Variants in CBFA2T3 observed in about 807,000 individuals in gnomAD.
The protein encoded by CBFA2T3 is transcriptional corepressor CBFA2T3.
A neutral mutation model predicts 58.6 loss-of-function variants in CBFA2T3; 31 were observed. That is an observed-to-expected ratio of 0.53 (90% CI 0.40 to 0.71). The LOEUF is 0.71. CBFA2T3 is among the 30% of genes least tolerant of loss of function. The pLI, the probability that CBFA2T3 is intolerant of heterozygous loss-of-function variation, is 0.00. For synonymous variants in CBFA2T3, 531 were observed against 421.9 expected, an observed-to-expected ratio of 1.26 and a Z score of -3.17; for missense variants, 1,076 against 963.1, an observed-to-expected ratio of 1.12 and a Z score of -1.55.
chr16:88,964,769 A>G (rs138066107), intron 1 of CBFA2T3, among the ~76,000 whole-genome samples: 52 of 151,624 alleles, frequency 3.4e-4, no homozygotes, highest in African/African-American at 1.2e-3. Flanking sequence ...CCACTCATCC[A>G]TCCATCCACC....
At chr16:88,884,687 G>A (rs1969285749) in intron 7 of CBFA2T3, 1 of 218,670 alleles carries the variant, frequency 4.6e-6, no homozygotes, top group Non-Finnish European at 9.1e-6. Context: ...CTTGGACTCT[G>A]AGAGTTGGGA....
intron 1 of CBFA2T3, among the ~76,000 whole-genome samples, chr16:88,919,539 G>A (rs536249339): frequency 1.3e-5 from 2 of 152,170 alleles, no homozygotes; most frequent in African/African-American, 2.4e-5. Context: ...TCAGCCTTAC[G>A]GGTAAGAAGC....
chr16:88,892,114 G>A (rs113534187), intron 4 of CBFA2T3, 130 bp downstream of exon 4: 14 of 1,364,968 alleles, frequency 1.0e-5, no homozygotes, highest in African/African-American at 5.7e-5. Flanking sequence ...GGGTGCAGGT[G>A]GCATCGTGGG....
Position 88,922,909 on chromosome 16 carries a change from A to G in CBFA2T3, c.152-21253T>C, listed in dbSNP as rs1307785472. On this transcript the variant is annotated intron_variant, in intron 1 of 11. Transcript: ENST00000268679. ...ATCACGATGAAAACATAAACCTCTC[A>G]CTCTTCCCACCGTACAGATGGGGCA... is the stretch of plus-strand genomic sequence containing the variant. Among the ~76,000 whole-genome samples the G allele has an allele frequency of 4.0e-5, 6 of 151,810 alleles. No homozygotes were observed. In the East Asian group the frequency reaches 1.2e-3, roughly 29 times the overall value.
rs1396905919 is a variant in CBFA2T3 at position 88,879,885 on chromosome 16, CT to C, written c.1472-426del. ...GCATTCCTAACGCGAGCCGGGGGAGCTGCTGCTGACCTGAAGCACTTGGATA... is the reference window on the plus strand; with the variant it reads ...GCATTCCTAACGCGAGCCGGGGGAGCGCTGCTGACCTGAAGCACTTGGATA... On this transcript the variant is annotated intron_variant, in intron 10 of 11. Coordinates refer to ENST00000268679, the MANE Select transcript of CBFA2T3 (RefSeq NM_005187.6). 1.2e-4 allele frequency: 22 copies of C among 176,844 alleles called. No individual in the cohort carries two copies. In the Admixed American group the frequency reaches 1.3e-3, roughly 10 times the overall value. The allele number at this position is 176,844 out of a possible 1,614,324, so 11.0% of individuals were successfully genotyped here. A position where few individuals can be genotyped will look rare whatever the true frequency, so the allele number is the denominator to read the frequency against.
intron 1 of CBFA2T3, among the ~76,000 whole-genome samples, chr16:88,915,323 G>A (rs1300258843): frequency 1.6e-5 from 2 of 127,814 alleles, no homozygotes; most frequent in Non-Finnish European, 3.3e-5. Flanking sequence ...CTGCCTATCT[G>A]AGTGAATTCT....
At chr16:88,884,916 A>C in intron 7 of CBFA2T3, 130 bp downstream of exon 7, 1 of 652,240 alleles carries the variant, frequency 1.5e-6, no homozygotes, top group Non-Finnish European at 2.5e-6. Context: ...AGGCAGGGGG[A>C]AGGGGTCTCC....
chr16:88,972,834 A>T (rs1285093040), intron 1 of CBFA2T3, among the ~76,000 whole-genome samples: 1 of 152,200 alleles, frequency 6.6e-6, no homozygotes, highest in Non-Finnish European at 1.5e-5. Flanking sequence ...GTGAGGTCTG[A>T]GGGTGCTGGG....
At chr16:88,948,439 C>T (rs923869472) in intron 1 of CBFA2T3, among the ~76,000 whole-genome samples, 4 of 152,232 alleles carry the variant, frequency 2.6e-5, no homozygotes, top group Non-Finnish European at 5.9e-5. Flanking sequence ...CAAGCAGGTT[C>T]TGCCTTGGCC....
intron 4 of CBFA2T3, 83 bp downstream of exon 4, chr16:88,892,161 G>T: frequency 3.3e-6 from 5 of 1,514,232 alleles, no homozygotes; most frequent in Non-Finnish European, 4.5e-6. Flanking sequence ...TGGAGCCCAT[G>T]TAAGGAGTGG....
chr16:88,900,540 C>CG (rs1487645432), intron 2 of CBFA2T3, among the ~76,000 whole-genome samples: 1 of 152,154 alleles, frequency 6.6e-6, no homozygotes, highest in African/African-American at 2.4e-5. Flanking sequence ...GTCAGGGACC[C>CG]GGGGCAAGCA....
At chr16:88,880,954 G>A (rs937774326) in intron 9 of CBFA2T3, 166 bp from the exon 10 acceptor site, 10 of 696,188 alleles carry the variant, frequency 1.4e-5, no homozygotes, top group East Asian at 8.1e-5. Flanking sequence ...ACCCAGGGCA[G>A]TGCCCGGGCA....
At chr16:88,893,711 G>A (rs1430347003) in intron 3 of CBFA2T3, among the ~76,000 whole-genome samples, 4 of 152,222 alleles carry the variant, frequency 2.6e-5, no homozygotes, top group Admixed American at 1.3e-4. Context: ...CTGCTATTGG[G>A]GTCAGTGTTC....
rs780189929 is a variant in CBFA2T3, at chr16:88,881,455, G to A, written c.1238C>T (p.Thr413Met). ...LNCIMDMVEK[T>M]RRSLTVLRRC... ...GCGCAGCACCGTGAGCGAGCGCCGC[G>A]TCTTCTCCACCATGTCCATGATGCA... Residue 413 changes from threonine (T) to methionine (M), a missense_variant, in exon 9 of 12, where the codon ACG becomes ATG. By Grantham distance (81) the Thr-to-Met change is moderately conservative. Transcript: ENST00000268679. 15 of 1,609,642 alleles carry A rather than the reference G, an allele frequency of 9.3e-6. No homozygotes were observed. The highest frequency in any genetic ancestry group is 1.7e-5 in the Admixed American group (1 of 59,892).
At chr16:88,890,631 G>A (rs146246610) in intron 5 of CBFA2T3, among the ~76,000 whole-genome samples, 43 of 152,362 alleles carry the variant, frequency 2.8e-4, no homozygotes, top group Non-Finnish European at 1.6e-4. Context: ...ATGGCAGTCT[G>A]ACTCCACGGC....
intron 1 of CBFA2T3, among the ~76,000 whole-genome samples, chr16:88,922,997 G>A (rs891285662): frequency 6.6e-6 from 1 of 151,304 alleles, no homozygotes; most frequent in Non-Finnish European, 1.5e-5. Context: ...GCTGGGACCC[G>A]ACCAGCTCTA....
chr16:88,890,848 C>G (rs1481769088), intron 5 of CBFA2T3, among the ~76,000 whole-genome samples: 1 of 152,198 alleles, frequency 6.6e-6, no homozygotes, highest in Non-Finnish European at 1.5e-5. Flanking sequence ...TCCCGGGTAG[C>G]TGGGATCATA....
At chr16:88,926,746 G>C (rs1457158233) in intron 1 of CBFA2T3, among the ~76,000 whole-genome samples, 1 of 152,232 alleles carries the variant, frequency 6.6e-6, no homozygotes, top group Admixed American at 6.5e-5. Context: ...ACGGGACGGA[G>C]GTGTTCACAG....
In CBFA2T3 at chr16:88,975,099, C is replaced by T. The variant is rs576417557; in HGVS notation, c.151+1558G>A. On this transcript the variant is annotated intron_variant, in intron 1 of 11. Coordinates refer to ENST00000268679, the MANE Select transcript of CBFA2T3 (RefSeq NM_005187.6). ...TGGGGGTGGGCACAGTGGCTGGGTA[C>T]TCTGTGTTAGAGGCCACCCTGGCCC... 4.1e-5 allele frequency among the ~76,000 whole-genome samples: 3 copies of T among 72,780 alleles called. No individual in the cohort carries two copies. The East Asian group carries it at 1.1e-3, about 26-fold the overall frequency. The allele number at this position is 72,780 out of a possible 152,430, so 47.7% of individuals were successfully genotyped here. A position where few individuals can be genotyped will look rare whatever the true frequency, so the allele number is the denominator to read the frequency against.
Sources: allele counts gnomAD v4.1 joint callset (sites outside exome capture counted in the v4.1 genomes callset), GRCh38; gene constraint gnomAD v4.1.1; transcripts MANE v1.5; gene names NCBI Gene and HGNC (gene_info 2026-07-23, HGNC 2026-07-21).